Variants in MYRIP observed in about 807,000 individuals in gnomAD.
MYRIP encodes rab effector MyRIP.
A neutral mutation model predicts 98.0 loss-of-function variants in MYRIP; 49 were observed. The ratio of observed to expected loss-of-function variants is 0.50; its 90% CI spans 0.40 to 0.63. The LOEUF (loss-of-function observed/expected upper bound fraction) is 0.63, where lower values mean the gene tolerates loss of function less well. Ranked by LOEUF, MYRIP falls within the 30% of genes least tolerant of loss-of-function variation. The probability of loss-of-function intolerance (pLI) is 0.00; values close to 1 mark genes in which losing one functional copy is unlikely to be tolerated. For missense variants in MYRIP, 1,004 were observed against 1,058.2 expected (o/e 0.95, Z 0.71); for synonymous variants, 404 against 409.5 (o/e 0.99, Z 0.16).
chr3:40,011,853 G>A (rs1451184421), intron 2 of MYRIP, among the ~76,000 whole-genome samples: 1 of 152,068 alleles, frequency 6.6e-6, no homozygotes, highest in Non-Finnish European at 1.5e-5. Flanking sequence ...AGGTACCCTA[G>A]TTCAGTGATT....
At chr3:40,048,561 G>A (rs1383137607) in intron 3 of MYRIP, among the ~76,000 whole-genome samples, 2 of 152,104 alleles carry the variant, frequency 1.3e-5, no homozygotes, top group Non-Finnish European at 2.9e-5. Context: ...TTCATCAGGA[G>A]AGGACCCAGA....
intron 2 of MYRIP, among the ~76,000 whole-genome samples, chr3:40,029,170 G>A (rs1336536652): frequency 6.6e-6 from 1 of 152,152 alleles, no homozygotes; most frequent in Non-Finnish European, 1.5e-5. Flanking sequence ...GTTGAGAGAT[G>A]TCAGAGCTGT....
chr3:40,013,298 A>G (rs574132107), intron 2 of MYRIP, among the ~76,000 whole-genome samples: 1 of 152,304 alleles, frequency 6.6e-6, no homozygotes, highest in Admixed American at 6.5e-5. Flanking sequence ...TGCTTCTGTG[A>G]TGTGCAGGAG....
chr3:40,051,536 T>C (rs921492725), intron 3 of MYRIP, among the ~76,000 whole-genome samples: 6 of 152,138 alleles, frequency 3.9e-5, no homozygotes, highest in African/African-American at 1.2e-4. Flanking sequence ...AAACAAAAAA[T>C]TTGTGTGACT....
chr3:40,003,955 A>G (rs1394182664), intron 2 of MYRIP, among the ~76,000 whole-genome samples: 2 of 152,180 alleles, frequency 1.3e-5, no homozygotes, highest in Non-Finnish European at 2.9e-5. Context: ...ATTTCCTGCT[A>G]TGCCCACCTG....
chr3:39,944,669 A>T (rs1242444045), intron 2 of MYRIP, among the ~76,000 whole-genome samples: 3 of 152,156 alleles, frequency 2.0e-5, no homozygotes, highest in African/African-American at 7.2e-5. Flanking sequence ...GAACTATGTC[A>T]TTGTAAAATC....
intron 2 of MYRIP, among the ~76,000 whole-genome samples, chr3:39,973,422 A>G (rs1945655253): frequency 6.6e-6 from 1 of 152,140 alleles, no homozygotes; most frequent in African/African-American, 2.4e-5. Context: ...GAGACCTACA[A>G]AGAGACTTAG....
chr3:39,954,306 G>A (rs1004769344), intron 2 of MYRIP, among the ~76,000 whole-genome samples: 2 of 152,102 alleles, frequency 1.3e-5, no homozygotes, highest in South Asian at 2.1e-4. Context: ...GTGCCCCTCC[G>A]AGATGAAGCT....
At chr3:40,172,901 G>T (rs1341939465) in intron 8 of MYRIP, among the ~76,000 whole-genome samples, 1 of 152,176 alleles carries the variant, frequency 6.6e-6, no homozygotes, top group Non-Finnish European at 1.5e-5. Context: ...GAAGCTGAAA[G>T]CTCTTTCTCT....
At chr3:40,228,548 C>G (rs779165105) in intron 11 of MYRIP, among the ~76,000 whole-genome samples, 1 of 152,180 alleles carries the variant, frequency 6.6e-6, no homozygotes, top group South Asian at 2.1e-4. Context: ...GACCATGAAC[C>G]TGGATTATAC....
intron 3 of MYRIP, among the ~76,000 whole-genome samples, chr3:40,115,074 C>A (rs1949242772): frequency 6.6e-6 from 1 of 152,006 alleles, no homozygotes; most frequent in Non-Finnish European, 1.5e-5. Flanking sequence ...TATGAAATAT[C>A]AATATCAGTA....
intron 3 of MYRIP, among the ~76,000 whole-genome samples, chr3:40,052,679 T>C (rs1384482988): frequency 6.6e-6 from 1 of 152,158 alleles, no homozygotes; most frequent in Non-Finnish European, 1.5e-5. Context: ...AACCTACAAC[T>C]GATGATGTAA....
intron 3 of MYRIP, among the ~76,000 whole-genome samples, chr3:40,052,146 T>C (rs774537080): frequency 1.3e-5 from 2 of 152,118 alleles, no homozygotes. Flanking sequence ...CATTTAACTG[T>C]ATTTTTGTAC....
Position 40,251,773 on chromosome 3 carries a change from T to A in MYRIP, c.2429-108T>A, listed in dbSNP as rs1000665835. ...AATCAAACACAGTACAGGAATGAGA[T>A]TCCAAGTCTAGAACAAAAGTCTGAG... On this transcript the variant is annotated intron_variant, in intron 15 of 16. Coordinates refer to ENST00000302541, the MANE Select transcript of MYRIP (RefSeq NM_015460.4). 8 of 733,924 alleles carry A rather than the reference T, an allele frequency of 1.1e-5. No individual in the cohort carries two copies. The African/African-American group carries it at 1.4e-4, about 13-fold the overall frequency. The allele number at this position is 733,924 out of a possible 1,614,324, so 45.5% of individuals were successfully genotyped here.
rs371429748 is a variant in MYRIP at position 39,833,698 on chromosome 3, T to A, written c.-31+23782T>A. 3.9e-5 allele frequency among the ~76,000 whole-genome samples: 6 copies of A among 152,186 alleles called. No individual in the cohort carries two copies. In the East Asian group the frequency reaches 9.6e-4, roughly 24 times the overall value. On this transcript the variant is annotated intron_variant, in intron 1 of 16. Transcript: ENST00000302541. ...GATTCCACTGGTCACATTATTTATC[T>A]TATGCTTTTAGGGTGTTACCTTCAG... is the stretch of plus-strand genomic sequence containing the variant.
chr3:40,125,809 A>T (rs557427721), intron 3 of MYRIP, among the ~76,000 whole-genome samples: 1 of 152,232 alleles, frequency 6.6e-6, no homozygotes, highest in Admixed American at 6.5e-5. Flanking sequence ...CAGCTCCGGC[A>T]TCTCACCCTT....
chr3:40,042,567 G>T (rs1947562547), intron 2 of MYRIP, among the ~76,000 whole-genome samples: 1 of 147,906 alleles, frequency 6.8e-6, no homozygotes, highest in African/African-American at 2.4e-5. Flanking sequence ...TCACAACTGG[G>T]TATAAAAAAT....
Position 40,210,018 on chromosome 3 carries a change from GA to G in MYRIP, c.1831del (p.Thr611GlnfsTer23). 1 of 1,614,124 alleles carries G rather than the reference GA, an allele frequency of 6.2e-7. No homozygotes were observed. Among genetic ancestry groups the G allele is most frequent in the Non-Finnish European group, 8.5e-7 (1 of 1,179,986 alleles). ...SGEDQESEPK[T>X]ESENQKESLS... ...GGGAGGATCAGGAGTCTGAGCCCAAGACAGAATCTGAGAACCAGAAGGAAAG... is the reference window on the plus strand; with the variant it reads ...GGGAGGATCAGGAGTCTGAGCCCAAGCAGAATCTGAGAACCAGAAGGAAAG... On this transcript the variant is annotated frameshift_variant, in exon 11 of 17. Coordinates refer to ENST00000302541, the MANE Select transcript of MYRIP (RefSeq NM_015460.4). LOFTEE classifies it high-confidence loss of function.
intron 2 of MYRIP, among the ~76,000 whole-genome samples, chr3:39,901,385 C>T (rs76046054): frequency 0.023 from 3,520 of 152,274 alleles, 130 homozygotes; most frequent in African/African-American, 0.079. Flanking sequence ...GACCACCAGG[C>T]TGGGATGGGA....
Sources: allele counts gnomAD v4.1 joint callset (sites outside exome capture counted in the v4.1 genomes callset), GRCh38; gene constraint gnomAD v4.1.1; transcripts MANE v1.5; gene names NCBI Gene and HGNC (gene_info 2026-07-23, HGNC 2026-07-21).